The following SRRM3 variants were observed in gnomAD, a reference collection of about 807,000 sequenced individuals.
SRRM3 encodes serine/arginine repetitive matrix protein 3.
In SRRM3, 27 loss-of-function variants were observed where a neutral mutation model predicts 66.2. That is an observed-to-expected ratio of 0.41 (90% CI 0.30 to 0.56). The LOEUF (loss-of-function observed/expected upper bound fraction) is 0.56. Ranked by LOEUF, SRRM3 falls within the 20% of genes least tolerant of loss-of-function variation. The probability of loss-of-function intolerance (pLI) is 0.32; values close to 1 mark genes in which losing one functional copy is unlikely to be tolerated. For missense variants in SRRM3, 918 were observed against 991.9 expected (o/e 0.93, Z 1.00); for synonymous variants, 391 against 414.9 (o/e 0.94, Z 0.70).
At chr7:76,226,074 TC>T (rs1800859247) in intron 1 of SRRM3, among the ~76,000 whole-genome samples, 2 of 152,160 alleles carry the variant, frequency 1.3e-5, no homozygotes. Context: ...GAGCATCTTC[TC>T]CCTCTGAGCC....
intron 10 of SRRM3, among the ~76,000 whole-genome samples, 176 bp from the exon 11 acceptor site, chr7:76,267,082 G>T (rs1164759345): frequency 6.6e-6 from 1 of 152,126 alleles, no homozygotes; most frequent in Non-Finnish European, 1.5e-5. Flanking sequence ...GCACAGCCTC[G>T]CTGGCTCACC....
rs530342567 is a variant in SRRM3 at position 76,216,008 on chromosome 7, C to T, written c.-40+13941C>T. The stretch of plus-strand genomic sequence containing the variant: ...ATTTTTAGTAGAGACGGGGTTTCAC[C>T]GTGTTAGTCAGGATGGTCTCGATCT... On this transcript the variant is annotated intron_variant, in intron 1 of 14. Coordinates refer to ENST00000611745, the MANE Select transcript of SRRM3 (RefSeq NM_001110199.3). Among the ~76,000 whole-genome samples, 27 of 151,462 alleles carry T rather than the reference C, an allele frequency of 1.8e-4. No individual in the cohort carries two copies. The South Asian group carries it at 3.1e-3, about 18-fold the overall frequency.
At chr7:76,269,288 T>C (rs1554610194) in intron 11 of SRRM3, 1 of 152,136 alleles carries the variant, frequency 6.6e-6, no homozygotes, top group African/African-American at 2.4e-5. Context: ...CCAAGCATGG[T>C]CCCCAAATCC....
chr7:76,237,527 A>G (rs781456113), intron 2 of SRRM3, among the ~76,000 whole-genome samples: 36 of 152,348 alleles, frequency 2.4e-4, no homozygotes, highest in Admixed American at 1.0e-3. Flanking sequence ...GTGAGCCAAG[A>G]TTGCGCCACT....
chr7:76,238,342 C>T (rs1475157063), intron 2 of SRRM3, among the ~76,000 whole-genome samples: 1 of 152,004 alleles, frequency 6.6e-6, no homozygotes, highest in African/African-American at 2.4e-5. Flanking sequence ...CATTAATATC[C>T]ATTTCTAGAA....
At chr7:76,210,808 A>AT (rs199914256) in intron 1 of SRRM3, among the ~76,000 whole-genome samples, 5,548 of 146,334 alleles carry the variant, frequency 0.038, 192 homozygotes, top group East Asian at 0.15. Flanking sequence ...GCCCTGGATA[A>AT]TTTTTTTTTT....
chr7:76,258,535 A>C (rs10238575), intron 3 of SRRM3, among the ~76,000 whole-genome samples: 12,953 of 151,334 alleles, frequency 0.086, 1,390 homozygotes, highest in African/African-American at 0.25. Context: ...CAGCATGGTG[A>C]AACCCCGTCT....
At chr7:76,264,924 C>A in intron 9 of SRRM3, 109 bp downstream of exon 9, 1 of 1,235,430 alleles carries the variant, frequency 8.1e-7, no homozygotes, top group South Asian at 1.5e-5. Flanking sequence ...CTCATTTTGC[C>A]CAGATGGAAA....
At chr7:76,244,163 G>A (rs1801379434) in intron 2 of SRRM3, among the ~76,000 whole-genome samples, 1 of 152,148 alleles carries the variant, frequency 6.6e-6, no homozygotes, top group South Asian at 2.1e-4. Flanking sequence ...TCCCCACGGT[G>A]AGCGACACAG....
At chr7:76,225,913 G>C (rs1445462905) in intron 1 of SRRM3, among the ~76,000 whole-genome samples, 1 of 152,150 alleles carries the variant, frequency 6.6e-6, no homozygotes, top group African/African-American at 2.4e-5. Flanking sequence ...AGGTCTCTCA[G>C]CTTATGAATT....
At chr7:76,223,114 T>A (rs782144658) in intron 1 of SRRM3, among the ~76,000 whole-genome samples, 26 of 152,182 alleles carry the variant, frequency 1.7e-4, no homozygotes, top group Non-Finnish European at 3.5e-4. Flanking sequence ...CATGCATCCA[T>A]CATCCCCAGC....
intron 1 of SRRM3, among the ~76,000 whole-genome samples, chr7:76,227,390 A>T (rs1399984089): frequency 6.6e-6 from 1 of 152,208 alleles, no homozygotes; most frequent in Admixed American, 6.5e-5. Flanking sequence ...TCCCCATCAC[A>T]ATAAATGGCT....
rs1375479236 is a variant in SRRM3, at chr7:76,282,824, G to T, written c.1547G>T (p.Arg516Leu). 5 of 1,462,384 alleles carry T rather than the reference G, an allele frequency of 3.4e-6. No homozygotes were observed. The African/African-American group carries it at 7.3e-5, about 21-fold the overall frequency. The allele number at this position is 1,462,384 out of a possible 1,614,324, so 90.6% of individuals were successfully genotyped here. A position where few individuals can be genotyped will look rare whatever the true frequency, so the allele number is the denominator to read the frequency against. ...TCTCGCTCGCGCTCTGCGGAGAAGCGGCCCCACAGCCCCAGCCGCTCGCCG... is the reference window on the plus strand; with the variant it reads ...TCTCGCTCGCGCTCTGCGGAGAAGCTGCCCCACAGCCCCAGCCGCTCGCCG... ...SKSRSRSAEK[R>L]PHSPSRSPSP... The change falls in exon 13 of 15, where the codon CGG becomes CTG. Residue 516 changes from arginine to leucine, a missense_variant. Coordinates refer to ENST00000611745, the MANE Select transcript of SRRM3 (RefSeq NM_001110199.3).
At chr7:76,203,828 G>A (rs1430111545) in intron 1 of SRRM3, among the ~76,000 whole-genome samples, 1 of 151,734 alleles carries the variant, frequency 6.6e-6, no homozygotes, top group Non-Finnish European at 1.5e-5. Flanking sequence ...GAGTATCAAG[G>A]CCCAGTTCAA....
At chr7:76,223,379 C>A (rs1800772420) in intron 1 of SRRM3, among the ~76,000 whole-genome samples, 1 of 152,206 alleles carries the variant, frequency 6.6e-6, no homozygotes, top group South Asian at 2.1e-4. Context: ...GAAGGGTCAG[C>A]AGGAGAGTGC....
At chr7:76,234,700 G>C (rs2116994839) in intron 1 of SRRM3, among the ~76,000 whole-genome samples, 1 of 152,240 alleles carries the variant, frequency 6.6e-6, no homozygotes, top group African/African-American at 2.4e-5. Flanking sequence ...GGGATGTCTG[G>C]CCCAAGCATT....
chr7:76,226,112 T>C (rs927101022), intron 1 of SRRM3, among the ~76,000 whole-genome samples: 2 of 152,226 alleles, frequency 1.3e-5, no homozygotes, highest in African/African-American at 4.8e-5. Flanking sequence ...CCTCATTAGC[T>C]AAGAGGCCTC....
intron 2 of SRRM3, among the ~76,000 whole-genome samples, chr7:76,242,211 G>T (rs993940900): frequency 6.6e-6 from 1 of 152,170 alleles, no homozygotes; most frequent in African/African-American, 2.4e-5. Context: ...CTGGCTGGGC[G>T]AGGTGGCTCA....
intron 2 of SRRM3, among the ~76,000 whole-genome samples, chr7:76,238,282 A>C (rs2117004896): frequency 6.7e-6 from 1 of 149,772 alleles, no homozygotes; most frequent in South Asian, 2.1e-4. Flanking sequence ...GCCAGTCCTC[A>C]CAAAGTGCCA....
Sources: allele counts gnomAD v4.1 joint callset (sites outside exome capture counted in the v4.1 genomes callset), GRCh38; gene constraint gnomAD v4.1.1; transcripts MANE v1.5; gene names NCBI Gene and HGNC (gene_info 2026-07-23, HGNC 2026-07-21).